Variants in CHST11 observed in about 807,000 individuals in gnomAD.
CHST11 encodes carbohydrate sulfotransferase 11.
CHST11 carries 9 observed loss-of-function variants against 30.4 expected under a neutral mutation model. That is an observed-to-expected ratio of 0.30 (90% CI 0.18 to 0.52). The LOEUF (loss-of-function observed/expected upper bound fraction) is 0.52, where lower values mean the gene tolerates loss of function less well. Among genes scored for constraint, CHST11 ranks in the 20% least tolerant of loss-of-function variants. The pLI is 0.97. For missense variants in CHST11, 348 were observed against 460.6 expected, an observed-to-expected ratio of 0.76 and a Z score of 2.24; for synonymous variants, 152 against 187.8, an observed-to-expected ratio of 0.81 and a Z score of 1.56.
chr12:104,633,947 G>GC (rs1334793717), intron 2 of CHST11, among the ~76,000 whole-genome samples: 3 of 152,024 alleles, frequency 2.0e-5, no homozygotes, highest in African/African-American at 7.2e-5. Flanking sequence ...GGACCCTGGT[G>GC]CCCCCAGCTA....
chr12:104,606,334 G>A (rs555516500), intron 2 of CHST11, among the ~76,000 whole-genome samples: 1 of 151,980 alleles, frequency 6.6e-6, no homozygotes, highest in African/African-American at 2.4e-5. Context: ...GGATGAGGAG[G>A]AGGATGAGGA....
At chr12:104,732,053 T>C (rs1158074337) in intron 2 of CHST11, among the ~76,000 whole-genome samples, 1 of 152,194 alleles carries the variant, frequency 6.6e-6, no homozygotes, top group African/African-American at 2.4e-5. Context: ...TGCAACCAGC[T>C]CCACAGCTAT....
intron 1 of CHST11, among the ~76,000 whole-genome samples, chr12:104,471,517 C>T (rs1253596247): frequency 6.6e-6 from 1 of 152,182 alleles, no homozygotes; most frequent in Non-Finnish European, 1.5e-5. Flanking sequence ...GTAGGAATTG[C>T]ATCACTGTAA....
intron 2 of CHST11, among the ~76,000 whole-genome samples, chr12:104,651,551 C>A (rs921330281): frequency 4.6e-5 from 7 of 152,166 alleles, no homozygotes; most frequent in Admixed American, 2.6e-4. Flanking sequence ...CTTGCTCAGC[C>A]TCTCCTTGAC....
At chr12:104,682,165 A>G (rs898663845) in intron 2 of CHST11, among the ~76,000 whole-genome samples, 2 of 152,168 alleles carry the variant, frequency 1.3e-5, no homozygotes, top group African/African-American at 2.4e-5. Flanking sequence ...CACTGGCATA[A>G]TATTTTGACA....
chr12:104,595,089 C>T (rs1007549950), intron 1 of CHST11, among the ~76,000 whole-genome samples: 1 of 152,196 alleles, frequency 6.6e-6, no homozygotes, highest in Non-Finnish European at 1.5e-5. Context: ...GATCCCCTAA[C>T]TCTGATTCCC....
chr12:104,472,776 G>C (rs1198747083), intron 1 of CHST11, among the ~76,000 whole-genome samples: 2 of 151,960 alleles, frequency 1.3e-5, no homozygotes, highest in Non-Finnish European at 2.9e-5. Context: ...GATTGATTTT[G>C]GTGGTGGTGG....
intron 2 of CHST11, among the ~76,000 whole-genome samples, chr12:104,691,715 T>G (rs1566039974): frequency 6.6e-6 from 1 of 152,026 alleles, no homozygotes; most frequent in Non-Finnish European, 1.5e-5. Context: ...GTCTCGATCA[T>G]CTGACCTCAT....
chr12:104,577,872 T>A (rs771348305), intron 1 of CHST11, among the ~76,000 whole-genome samples: 16 of 152,188 alleles, frequency 1.1e-4, no homozygotes, highest in Non-Finnish European at 2.2e-4. Context: ...CAACAAAAGA[T>A]CTGTAGACAA....
chr12:104,524,192 G>A (rs2038101672), intron 1 of CHST11, among the ~76,000 whole-genome samples: 1 of 152,098 alleles, frequency 6.6e-6, no homozygotes, highest in African/African-American at 2.4e-5. Context: ...CACATGGAGA[G>A]GATTATAAAT....
At chr12:104,490,931 C>G (rs538803416) in intron 1 of CHST11, among the ~76,000 whole-genome samples, 2 of 152,190 alleles carry the variant, frequency 1.3e-5, no homozygotes, top group African/African-American at 4.8e-5. Context: ...CATAGCCTGT[C>G]ATTTTGCTCA....
Position 104,676,006 on chromosome 12 carries a change from C to A in CHST11, c.204+74015C>A, listed in dbSNP as rs2136098899. ...CCAAGGTTCACAAGCTACATCCCCG[C>A]ATGCCTCGACTGGTCAACTCCTATA... On this transcript the variant is annotated intron_variant, in intron 2 of 2. Coordinates refer to ENST00000303694, the MANE Select transcript of CHST11 (RefSeq NM_018413.6). The surrounding 1 kb of genome is among the most constrained non-coding windows in gnomAD (Gnocchi z 4.4). Among the ~76,000 whole-genome samples, 1 of 152,298 alleles carries A rather than the reference C, an allele frequency of 6.6e-6. No homozygotes were observed. The highest frequency in any genetic ancestry group is 3.4e-3 in the Middle Eastern group (1 of 294).
At chr12:104,528,672 G>A (rs2038151958) in intron 1 of CHST11, among the ~76,000 whole-genome samples, 1 of 152,186 alleles carries the variant, frequency 6.6e-6, no homozygotes, top group East Asian at 1.9e-4. Flanking sequence ...ACTAGACTGT[G>A]CTGTTTTTCC....
At chr12:104,528,146 G>T (rs118083819) in intron 1 of CHST11, among the ~76,000 whole-genome samples, 2 of 152,194 alleles carry the variant, frequency 1.3e-5, no homozygotes, top group Non-Finnish European at 2.9e-5. Flanking sequence ...GATGATGATG[G>T]TTATGTCCGT....
intron 2 of CHST11, 105 bp from the exon 3 acceptor site, chr12:104,756,844 G>T: frequency 7.3e-7 from 1 of 1,363,248 alleles, no homozygotes; most frequent in Middle Eastern, 1.9e-4. Flanking sequence ...ACTGCACCCA[G>T]CTTAGATATG....
chr12:104,605,224 T>G (rs943888082), intron 2 of CHST11, among the ~76,000 whole-genome samples: 1 of 151,818 alleles, frequency 6.6e-6, no homozygotes, highest in Non-Finnish European at 1.5e-5. Flanking sequence ...TGGGAAATTT[T>G]GGCTATAATC....
intron 2 of CHST11, among the ~76,000 whole-genome samples, chr12:104,749,945 AT>A (rs2040416424): frequency 6.6e-6 from 1 of 152,158 alleles, no homozygotes; most frequent in South Asian, 2.1e-4. Context: ...GAAGAACTTT[AT>A]TGATTGAGTG....
At chr12:104,691,386 C>T (rs1317313390) in intron 2 of CHST11, among the ~76,000 whole-genome samples, 1 of 152,060 alleles carries the variant, frequency 6.6e-6, no homozygotes, top group Non-Finnish European at 1.5e-5. Context: ...GCCAGCATTC[C>T]CCAAAGCATG....
At chr12:104,481,311 G>GA (rs1175419778) in intron 1 of CHST11, among the ~76,000 whole-genome samples, 4 of 152,236 alleles carry the variant, frequency 2.6e-5, no homozygotes, top group African/African-American at 9.6e-5. Flanking sequence ...GCCACGTCAC[G>GA]AATTTTGCAC....
Sources: gnomAD v4.1 joint callset for allele counts (sites outside exome capture counted in the v4.1 genomes callset) on GRCh38, gnomAD v4.1.1 for gene constraint, Gnocchi (gnomAD v3.1) non-coding constraint, MANE v1.5 for transcripts, NCBI Gene and HGNC (gene_info 2026-07-23, HGNC 2026-07-21) for gene names.